ZNF277: variants seen among roughly 807,000 people sequenced by gnomAD.
ZNF277 encodes nuclear receptor-interacting factor 4.
In ZNF277, 55 loss-of-function variants were observed where a neutral mutation model predicts 60.7. That is an observed-to-expected ratio of 0.91 (90% CI 0.73 to 1.13). ZNF277 has a LOEUF of 1.13. Ranked by LOEUF, ZNF277 falls within the 50% of genes most tolerant of loss-of-function variation. The probability of loss-of-function intolerance (pLI) is 0.00; values close to 1 mark genes in which losing one functional copy is unlikely to be tolerated. For missense variants in ZNF277, 510 were observed against 523.0 expected (o/e 0.98, Z 0.24); for synonymous variants, 178 against 179.3 (o/e 0.99, Z 0.06).
chr7:112,209,784 T>C (rs1400139549), intron 1 of ZNF277, among the ~76,000 whole-genome samples: 1 of 152,230 alleles, frequency 6.6e-6, no homozygotes, highest in African/African-American at 2.4e-5. Context: ...TCATTTAGGT[T>C]ATCAAGTATG....
chr7:112,235,454 A>G (rs1822463889), intron 1 of ZNF277, among the ~76,000 whole-genome samples: 1 of 152,106 alleles, frequency 6.6e-6, no homozygotes, highest in African/African-American at 2.4e-5. Context: ...TAGCCACCCA[A>G]GTGAGTATGA....
intron 1 of ZNF277, among the ~76,000 whole-genome samples, chr7:112,230,564 A>C (rs997699439): frequency 6.6e-6 from 1 of 152,194 alleles, no homozygotes; most frequent in African/African-American, 2.4e-5. Flanking sequence ...TGAGTTCCAC[A>C]CTAGAAGAAT....
At chr7:112,341,139 A>T in intron 11 of ZNF277, 93 bp downstream of exon 11, 2 of 1,154,296 alleles carry the variant, frequency 1.7e-6, no homozygotes, top group Non-Finnish European at 2.4e-6. Flanking sequence ...AAAAAAAAGG[A>T]ATACATATTT....
At chr7:112,292,930 T>C (rs1792241122) in intron 2 of ZNF277, among the ~76,000 whole-genome samples, 1 of 151,984 alleles carries the variant, frequency 6.6e-6, no homozygotes, top group South Asian at 2.1e-4. Context: ...ATATAAATTA[T>C]TCACTACCTT....
intron 1 of ZNF277, among the ~76,000 whole-genome samples, chr7:112,229,042 T>A (rs1822252807): frequency 6.6e-6 from 1 of 152,234 alleles, no homozygotes; most frequent in South Asian, 2.1e-4. Context: ...GGGATGCTTT[T>A]TGTATTTATA....
chr7:112,336,491 C>T (rs10276369), intron 8 of ZNF277, among the ~76,000 whole-genome samples: 7,924 of 152,198 alleles, frequency 0.052, 281 homozygotes, highest in Admixed American at 0.12. Context: ...GATCTTTGAA[C>T]TCTCCATGTT....
At chr7:112,263,138 CTGT>C (rs2117027209) in intron 1 of ZNF277, among the ~76,000 whole-genome samples, 1 of 152,250 alleles carries the variant, frequency 6.6e-6, no homozygotes, top group East Asian at 1.9e-4. Context: ...GCTGGATTTA[CTGT>C]TGTTGGACAG....
intron 1 of ZNF277, among the ~76,000 whole-genome samples, chr7:112,265,732 T>TA (rs1791535953): frequency 6.6e-6 from 1 of 152,206 alleles, no homozygotes. Context: ...ATTATGGGTA[T>TA]TTTTTCTTTT....
intron 1 of ZNF277, among the ~76,000 whole-genome samples, chr7:112,218,097 C>G (rs761192292): frequency 3.3e-5 from 5 of 152,226 alleles, no homozygotes; most frequent in Non-Finnish European, 5.9e-5. Context: ...TCCTGTACAG[C>G]TGGCTCTGCA....
At chr7:112,284,261 G>A (rs1792011051) in intron 1 of ZNF277, among the ~76,000 whole-genome samples, 1 of 152,162 alleles carries the variant, frequency 6.6e-6, no homozygotes, top group Non-Finnish European at 1.5e-5. Context: ...CCATAGGCTT[G>A]TTTTCAGCAG....
In ZNF277 at chr7:112,242,209, C is replaced by G. The variant is rs564942527; in HGVS notation, c.91+35402C>G. ...AAGAGTATACAGTACAATTCAGCAT[C>G]CTTCATGATAAAAGCTCTCAACAAA... On this transcript the variant is annotated intron_variant, in intron 1 of 11. Coordinates refer to ENST00000361822, the MANE Select transcript of ZNF277 (RefSeq NM_021994.3). Among the ~76,000 whole-genome samples the G allele has an allele frequency of 1.2e-3, 186 of 151,910 alleles. 3 individuals carry two copies. The highest frequency in any genetic ancestry group is 0.01 in the Middle Eastern group (3 of 292).
At position 112,240,817 on chromosome 7, in the gene ZNF277, C is replaced by G. The variant is rs187332755; in HGVS notation, c.91+34010C>G. Among the ~76,000 whole-genome samples the G allele has an allele frequency of 7.9e-5, 12 of 152,262 alleles. 1 individual carries two copies. The highest frequency in any genetic ancestry group is 2.6e-4 in the African/African-American group (11 of 41,570). ...GATATCCATATGCAGAAGCATGAAA[C>G]TAGACCCTTGTCTCTTACCATATAT... On this transcript the variant is annotated intron_variant, in intron 1 of 11. Transcript: ENST00000361822.
In ZNF277 at chr7:112,286,536, C is replaced by G. The variant is rs571259148; in HGVS notation, c.92-337C>G. ...CTTAGAACCTTAACCCAGAGTGTTG[C>G]AGCCTTCCCCCTTGCAAGTACCCCG... On this transcript the variant is annotated intron_variant, in intron 1 of 11. Transcript: ENST00000361822. Among the ~76,000 whole-genome samples the G allele has an allele frequency of 7.2e-5, 11 of 152,274 alleles. No homozygotes were observed. In the East Asian group the frequency reaches 2.1e-3, roughly 29 times the overall value.
intron 1 of ZNF277, among the ~76,000 whole-genome samples, chr7:112,276,077 C>T (rs942127990): frequency 1.3e-5 from 2 of 152,180 alleles, no homozygotes; most frequent in Non-Finnish European, 2.9e-5. Flanking sequence ...AGAGGTCCAC[C>T]TCAAGTCTAC....
intron 1 of ZNF277, among the ~76,000 whole-genome samples, chr7:112,231,218 A>C (rs1053320453): frequency 1.6e-4 from 25 of 152,240 alleles, no homozygotes; most frequent in African/African-American, 5.8e-4. Context: ...GTCTCAAAAA[A>C]AAAAAAAAAA....
At chr7:112,316,365 G>A (rs1247796204) in intron 4 of ZNF277, among the ~76,000 whole-genome samples, 1 of 151,964 alleles carries the variant, frequency 6.6e-6, no homozygotes, top group Non-Finnish European at 1.5e-5. Context: ...GTCCTCTTTT[G>A]AGAAGTGTCT....
At chr7:112,209,715 G>A (rs1821685898) in intron 1 of ZNF277, among the ~76,000 whole-genome samples, 2 of 152,020 alleles carry the variant, frequency 1.3e-5, no homozygotes, top group Non-Finnish European at 2.9e-5. Flanking sequence ...AGCCAACAAG[G>A]TGTGATATAA....
intron 5 of ZNF277, 143 bp downstream of exon 5, chr7:112,318,416 C>T: frequency 3.1e-6 from 2 of 644,114 alleles, no homozygotes; most frequent in Non-Finnish European, 5.3e-6. Context: ...TAAAAATATA[C>T]CCAACGTCCA....
chr7:112,296,050 C>T, intron 3 of ZNF277, 93 bp downstream of exon 3: 1 of 1,122,434 alleles, frequency 8.9e-7, no homozygotes, highest in Non-Finnish European at 1.3e-6. Context: ...CTTTTACTTT[C>T]ATGATAGATA....
Sources: allele counts gnomAD v4.1 joint callset (sites outside exome capture counted in the v4.1 genomes callset), GRCh38; gene constraint gnomAD v4.1.1; transcripts MANE v1.5; gene names NCBI Gene and HGNC (gene_info 2026-07-23, HGNC 2026-07-21).